The following REXO1 variants were observed in gnomAD, a reference collection of about 807,000 sequenced individuals.
REXO1 encodes RNA exonuclease 1 homolog.
A neutral mutation model predicts 102.6 loss-of-function variants in REXO1; 42 were observed. That is an observed-to-expected ratio of 0.41 (90% CI 0.32 to 0.53). REXO1 has a LOEUF of 0.53. Ranked by LOEUF, REXO1 falls within the 20% of genes least tolerant of loss-of-function variation. The pLI is 0.27. For synonymous variants in REXO1, 908 were observed against 779.1 expected (o/e 1.17, Z -2.76); for missense variants, 1,819 against 1,732.5 (o/e 1.05, Z -0.89).
chr19:1,828,917 G>C (rs1261301721), intron 1 of REXO1, among the ~76,000 whole-genome samples: 1 of 152,272 alleles, frequency 6.6e-6, no homozygotes, highest in Non-Finnish European at 1.5e-5. Context: ...CACGGCTCAT[G>C]AAATGCGCAC....
rs904656177 is a variant in REXO1 at position 1,815,565 on chromosome 19, C to T, written c.*501G>A. On this transcript the variant is annotated 3_prime_UTR_variant, in exon 16 of 16. Coordinates refer to ENST00000170168, the MANE Select transcript of REXO1 (RefSeq NM_020695.4). The surrounding 1 kb of genome is among the most constrained non-coding windows in gnomAD (Gnocchi z 4.0). Reference sequence around the variant, plus strand: ...CCACTGGGGTCTGTCCCACCCCCACCCCGCAGGAGGGAAGGCAGCAGGCCC... The same window carrying T: ...CCACTGGGGTCTGTCCCACCCCCACTCCGCAGGAGGGAAGGCAGCAGGCCC... The T allele has an allele frequency of 8.5e-5, 60 of 703,464 alleles. No individual in the cohort carries two copies. Among genetic ancestry groups the T allele is most frequent in the Non-Finnish European group, 1.1e-4 (55 of 518,276 alleles). 43.6% of individuals were successfully genotyped at this position (703,464 alleles called of 1,614,324 possible).
rs1028834963 is a variant in REXO1 at position 1,841,961 on chromosome 19, A to T, written c.157+6241T>A. ...CACAGTGGCTCACGCTTGTAATCCC[A>T]GCACTTTGGGAGGCTGAGGCGGGTG... On this transcript the variant is annotated intron_variant, in intron 1 of 15. Coordinates refer to ENST00000170168, the MANE Select transcript of REXO1 (RefSeq NM_020695.4). Among the ~76,000 whole-genome samples the T allele has an allele frequency of 3.3e-5, 5 of 152,270 alleles. No individual in the cohort carries two copies. The East Asian group carries it at 9.6e-4, about 29-fold the overall frequency.
intron 1 of REXO1, chr19:1,834,885 A>C (rs1292985256): frequency 3.2e-6 from 1 of 315,920 alleles, no homozygotes; most frequent in Non-Finnish European, 7.0e-6. Context: ...GAAGACTGAG[A>C]TCAGGATCTG....
Position 1,827,788 on chromosome 19 carries a change from A to C in REXO1, c.1001T>G (p.Leu334Arg). 6.3e-7 allele frequency: 1 copy of C among 1,590,818 alleles called. No individual in the cohort carries two copies. Among genetic ancestry groups the C allele is most frequent in the Non-Finnish European group, 8.5e-7 (1 of 1,174,012 alleles). The change falls in exon 2 of 16, where the codon CTG becomes CGG. Residue 334 changes from leucine (L) to arginine (R), a missense_variant. Physicochemically the swap from Leu to Arg is moderately radical, Grantham distance 102 (BLOSUM62 -2). Transcript: ENST00000170168. ...KEGLEAEGGG[L>R]RETKETAVQC... ...CACGGCCGTCTCCTTGGTCTCCCGC[A>C]GGCCGCCCCCCTCGGCCTCCAGGCC...
At chr19:1,839,067 G>T (rs1049503222) in intron 1 of REXO1, among the ~76,000 whole-genome samples, 1 of 152,058 alleles carries the variant, frequency 6.6e-6, no homozygotes, top group East Asian at 1.9e-4. Context: ...ACCAGCCTGG[G>T]CAACACGGTG....
chr19:1,834,656 G>A (rs1458209392), intron 1 of REXO1, among the ~76,000 whole-genome samples: 2 of 152,146 alleles, frequency 1.3e-5, no homozygotes, highest in African/African-American at 2.4e-5. Flanking sequence ...AAGCTCAAGC[G>A]GTCTTCTCGC....
chr19:1,821,405 G>C (rs2069535571), intron 5 of REXO1, 114 bp downstream of exon 5: 1 of 1,245,248 alleles, frequency 8.0e-7, no homozygotes, highest in Admixed American at 2.1e-5. Context: ...CTGCGGTGTG[G>C]AGCACGAAGG....
rs1342054265 is a variant in REXO1 at position 1,826,951 on chromosome 19, A to G, written c.1838T>C (p.Met613Thr). Residue 613 changes from methionine (M) to threonine (T), a missense_variant, in exon 2 of 16, where the codon ATG (methionine) becomes ACG (threonine). Physicochemically the swap from Met to Thr is moderately conservative, Grantham distance 81. Transcript: ENST00000170168. This position sits in a 1 kb window ranked among gnomAD's most constrained non-coding sequence, Gnocchi z 4.3. The stretch of plus-strand genomic sequence containing the variant: ...GTTGAAGATCCGCAGGCACTCCTCC[A>G]TGGGGTCGGAGTCAAAGTCCACCTC... The part of the protein sequence containing the change: ...EKEVDFDSDP[M>T]EECLRIFNES... 1 of 1,577,378 alleles carries G rather than the reference A, an allele frequency of 6.3e-7. No individual in the cohort carries two copies. Among genetic ancestry groups the G allele is most frequent in the East Asian group, 2.3e-5 (1 of 43,286 alleles).
chr19:1,818,437 C>T (rs780113581), intron 10 of REXO1, 45 bp downstream of exon 10: 29 of 1,464,132 alleles, frequency 2.0e-5, no homozygotes, highest in South Asian at 6.1e-5. Flanking sequence ...GCCCAGGTTC[C>T]GGGGGCCATG....
At chr19:1,824,595 A>G (rs1458259714) in intron 3 of REXO1, 2 of 152,264 alleles carry the variant, frequency 1.3e-5, no homozygotes, top group Non-Finnish European at 2.9e-5. Context: ...GTAAGACATC[A>G]GTTAGAACAG....
intron 4 of REXO1, chr19:1,823,265 G>T: frequency 5.6e-6 from 2 of 358,260 alleles, no homozygotes; most frequent in Non-Finnish European, 1.0e-5. Context: ...CAGGTACCCC[G>T]ACATGGCTCC....
intron 1 of REXO1, among the ~76,000 whole-genome samples, chr19:1,846,079 ACT>A: frequency 6.6e-6 from 1 of 152,034 alleles, no homozygotes; most frequent in Non-Finnish European, 1.5e-5. Context: ...ACCTCTGTCC[ACT>A]CTCAATCCTG....
chr19:1,816,486 C>T lies in REXO1; in HGVS notation c.3401G>A (p.Ser1134Asn). ...GTGTCCGATGAGGATGGTGTCAGCG[C>T]TGAACATGCTCAGCAGAACGGCCTG... is the stretch of plus-strand genomic sequence containing the variant. Reference protein sequence around the residue: ...DVQAVLLSMFSADTILIGHSL... With the variant: ...DVQAVLLSMFNADTILIGHSL... The change falls in exon 14 of 16, where the codon AGC becomes AAC. Residue 1134 changes from serine to asparagine, a missense_variant. Coordinates refer to ENST00000170168, the MANE Select transcript of REXO1 (RefSeq NM_020695.4). The T allele has an allele frequency of 1.2e-6, 2 of 1,612,598 alleles. No homozygotes were observed. Among genetic ancestry groups the T allele is most frequent in the Non-Finnish European group, 1.7e-6 (2 of 1,179,780 alleles).
chr19:1,827,322 C>T lies in REXO1; in HGVS notation c.1467G>A (p.Ser489=), dbSNP rs61746700. 12 of 1,558,646 alleles carry T rather than the reference C, an allele frequency of 7.7e-6. No homozygotes were observed. In the African/African-American group the frequency reaches 8.1e-5, roughly 11 times the overall value. ...LPDRKSTKAP[S]GKLVERKARS... ...GGGCTTTCCGCTCCACTAGCTTCCCCGACGGGGCCTTGGTGCTCTTCCTGT... is the reference window on the plus strand; with the variant it reads ...GGGCTTTCCGCTCCACTAGCTTCCCTGACGGGGCCTTGGTGCTCTTCCTGT... Residue 489 remains serine (S), a synonymous_variant, in exon 2 of 16, where the codon TCG becomes TCA. Coordinates refer to ENST00000170168, the MANE Select transcript of REXO1 (RefSeq NM_020695.4).
intron 12 of REXO1, 94 bp from the exon 13 acceptor site, chr19:1,816,907 C>T: frequency 1.0e-6 from 1 of 956,728 alleles, no homozygotes; most frequent in Non-Finnish European, 1.6e-6. Flanking sequence ...CCCCTCCAGG[C>T]AGAGGCAGTG....
chr19:1,820,215 G>T, intron 6 of REXO1, 49 bp downstream of exon 6: 1 of 1,586,788 alleles, frequency 6.3e-7, no homozygotes, highest in South Asian at 1.1e-5. Context: ...GACCACCCTG[G>T]ACCCCTAGTC....
rs2069737074 is a variant in REXO1, at chr19:1,826,780, C to T, written c.1911+98G>A. Reference sequence around the variant, plus strand: ...CTGAGGAGCTGCCTCCACCCCGTGCCTCCGAGCCAACTGGAAACCACTCCA... The same window carrying T: ...CTGAGGAGCTGCCTCCACCCCGTGCTTCCGAGCCAACTGGAAACCACTCCA... On this transcript the variant is annotated intron_variant, in intron 2 of 15. Coordinates refer to ENST00000170168, the MANE Select transcript of REXO1 (RefSeq NM_020695.4). The surrounding 1 kb of genome is among the most constrained non-coding windows in gnomAD (Gnocchi z 4.3). 1 of 1,505,624 alleles carries T rather than the reference C, an allele frequency of 6.6e-7. No homozygotes were observed. 93.3% of individuals were successfully genotyped at this position (1,505,624 alleles called of 1,614,324 possible).
intron 5 of REXO1, 128 bp downstream of exon 5, chr19:1,821,391 T>C: frequency 9.9e-7 from 1 of 1,011,726 alleles, no homozygotes; most frequent in Non-Finnish European, 1.5e-6. Flanking sequence ...AGGTGAAGGC[T>C]GTACTGCGGT....
chr19:1,827,484 C>T lies in REXO1; in HGVS notation c.1305G>A (p.Lys435=). The T allele has an allele frequency of 6.3e-7, 1 of 1,576,092 alleles. No homozygotes were observed. ...CCACAGGAGTGGCCGAAGATGGCTT[C>T]TTCTTGGTCCCTTCCGGCCGCTCTG... is the stretch of plus-strand genomic sequence containing the variant. ...RKAERPEGTK[K]KPSSATPVAT... Residue 435 remains lysine (K), a synonymous_variant, in exon 2 of 16, where the codon AAG becomes AAA. Transcript: ENST00000170168.
Sources: allele counts gnomAD v4.1 joint callset (sites outside exome capture counted in the v4.1 genomes callset), GRCh38; gene constraint gnomAD v4.1.1; non-coding constraint Gnocchi (gnomAD v3.1); transcripts MANE v1.5; gene names NCBI Gene and HGNC (gene_info 2026-07-23, HGNC 2026-07-21).